TPO: variants seen among roughly 807,000 people sequenced by gnomAD.
TPO encodes the protein thyroid peroxidase.
TPO carries 78 observed loss-of-function variants against 96.9 expected under a neutral mutation model. The ratio of observed to expected loss-of-function variants is 0.81; its 90% CI spans 0.67 to 0.97. The LOEUF (loss-of-function observed/expected upper bound fraction) is 0.97. Among genes scored for constraint, TPO ranks in the 50% least tolerant of loss-of-function variants. The pLI, the probability that TPO is intolerant of heterozygous loss-of-function variation, is 0.00. For missense variants in TPO, 1,252 were observed against 1,274.8 expected (o/e 0.98, Z 0.27); for synonymous variants, 547 against 538.0 (o/e 1.02, Z -0.23).
Position 1,540,606 on chromosome 2 carries a change from C to T in TPO, c.2631C>T (p.Gly877=). ...STVICRWTRT[G]TKSTLPISET... ...GTGTCTCCCACAGGACACGCACTGGCACTAAATCCACACTGCCCATCTCGG... is the reference window on the plus strand; with the variant it reads ...GTGTCTCCCACAGGACACGCACTGGTACTAAATCCACACTGCCCATCTCGG... Residue 877 remains glycine, a synonymous_variant, in exon 16 of 17, where the codon GGC becomes GGT. Transcript: ENST00000329066. The T allele has an allele frequency of 6.2e-7, 1 of 1,613,556 alleles. No individual in the cohort carries two copies. The highest frequency in any genetic ancestry group is 8.5e-7 in the Non-Finnish European group (1 of 1,180,032).
intron 11 of TPO, among the ~76,000 whole-genome samples, chr2:1,495,620 C>A (rs1313014178): frequency 2.0e-5 from 3 of 152,228 alleles, no homozygotes; most frequent in African/African-American, 7.2e-5. Flanking sequence ...GCTCTGAGCC[C>A]CTCTTCTGAG....
At chr2:1,521,422 G>A (rs1675246967) in intron 15 of TPO, among the ~76,000 whole-genome samples, 1 of 152,120 alleles carries the variant, frequency 6.6e-6, no homozygotes, top group Non-Finnish European at 1.5e-5. Context: ...ATGGGGCAGT[G>A]GGCCACGGGA....
chr2:1,444,753 T>A (rs75013273), intron 5 of TPO, among the ~76,000 whole-genome samples: 1 of 9,800 alleles, frequency 1.0e-4, no homozygotes, highest in Admixed American at 1.5e-3. Context: ...CAGGAGGCAC[T>A]GTGTTGGAAG....
intron 15 of TPO, among the ~76,000 whole-genome samples, chr2:1,532,033 C>A (rs1678384545): frequency 1.2e-5 from 1 of 83,634 alleles, no homozygotes. Flanking sequence ...CAAATCCCCT[C>A]ACTGTGTGCA....
At chr2:1,481,624 G>A (rs917762203) in intron 8 of TPO, among the ~76,000 whole-genome samples, 6 of 152,172 alleles carry the variant, frequency 3.9e-5, no homozygotes, top group Non-Finnish European at 5.9e-5. Context: ...TGGGCCACTC[G>A]GCTGCTGACC....
chr2:1,469,443 C>T (rs918085679), intron 7 of TPO, among the ~76,000 whole-genome samples: 2 of 152,172 alleles, frequency 1.3e-5, no homozygotes, highest in Non-Finnish European at 2.9e-5. Flanking sequence ...AGGGATGTGG[C>T]TTCCTGAGAG....
intron 1 of TPO, among the ~76,000 whole-genome samples, chr2:1,399,379 C>T (rs970075792): frequency 6.6e-6 from 1 of 152,216 alleles, no homozygotes; most frequent in African/African-American, 2.4e-5. Flanking sequence ...TCCAAGACCC[C>T]AGTGGACACC....
At position 1,435,329 on chromosome 2, in the gene TPO, G is replaced by A. The variant is rs539742851; in HGVS notation, c.350-923G>A. Among the ~76,000 whole-genome samples the A allele has an allele frequency of 3.0e-4, 45 of 152,324 alleles. 1 individual carries two copies. Among genetic ancestry groups the A allele is most frequent in the Middle Eastern group, 6.8e-3 (2 of 294 alleles). The stretch of plus-strand genomic sequence containing the variant: ...ATCTGTGCTCAGCTTTTTGAAGAAT[G>A]CGTAATCCTCCACTAACTGAATGCA... On this transcript the variant is annotated intron_variant, in intron 4 of 16. Coordinates refer to ENST00000329066, the MANE Select transcript of TPO (RefSeq NM_001206744.2).
chr2:1,390,122 A>G (rs1316012973), intron 1 of TPO, among the ~76,000 whole-genome samples: 3 of 151,302 alleles, frequency 2.0e-5, no homozygotes, highest in African/African-American at 7.3e-5. Flanking sequence ...CACACCTATC[A>G]ACTCGTTATT....
chr2:1,516,995 C>G lies in TPO; in HGVS notation c.2618+13C>G. 1 of 1,613,086 alleles carries G rather than the reference C, an allele frequency of 6.2e-7. No individual in the cohort carries two copies. The highest frequency in any genetic ancestry group is 8.5e-7 in the Non-Finnish European group (1 of 1,179,554). On this transcript the variant is annotated intron_variant, in intron 15 of 16. Coordinates refer to ENST00000329066, the MANE Select transcript of TPO (RefSeq NM_001206744.2). ...TGATTTGCAGGTGGTAAGTCCTTCA[C>G]TTTTTGACTGTTACTTAGACACAAA...
intron 3 of TPO, among the ~76,000 whole-genome samples, chr2:1,425,685 T>C (rs528884113): frequency 4.3e-4 from 65 of 149,632 alleles, no homozygotes; most frequent in Non-Finnish European, 7.0e-4. Context: ...TTCTAGATGC[T>C]GGGATACAGA....
At chr2:1,489,940 ACGACAGAGCAG>A (rs1671574266) in intron 10 of TPO, among the ~76,000 whole-genome samples, 2 of 115,748 alleles carry the variant, frequency 1.7e-5, no homozygotes, top group African/African-American at 3.4e-5. Flanking sequence ...AGGAGGAGTC[ACGACAGAGCAG>A]TGTAAGAGCC....
chr2:1,523,132 C>T (rs1216219414), intron 15 of TPO, among the ~76,000 whole-genome samples: 8 of 149,624 alleles, frequency 5.3e-5, no homozygotes, highest in African/African-American at 2.0e-4. Context: ...CCAAATCCGC[C>T]CCACCCTGTG....
rs199839838 is a variant in TPO, at chr2:1,433,489, C to G, written c.231C>G (p.Ser77=). The change falls in exon 4 of 17, where the codon TCC becomes TCG. Residue 77 remains serine (S), a synonymous_variant. Coordinates refer to ENST00000329066, the MANE Select transcript of TPO (RefSeq NM_001206744.2). ...ILSPAQLLSF[S]KLPEPTSGVI... ...CTCCAGCTCAGCTTCTGTCTTTTTC[C>G]AAACTTCCTGAGCCAACAAGCGGAG... The G allele has an allele frequency of 1.2e-6, 2 of 1,614,152 alleles. No homozygotes were observed. Among genetic ancestry groups the G allele is most frequent in the East Asian group, 2.2e-5 (1 of 44,876 alleles).
intron 7 of TPO, among the ~76,000 whole-genome samples, chr2:1,476,779 A>G (rs1038766053): frequency 6.7e-6 from 1 of 150,158 alleles, no homozygotes; most frequent in Non-Finnish European, 1.5e-5. Flanking sequence ...GAGCAGGCTG[A>G]GGGGAGGTGC....
intron 5 of TPO, among the ~76,000 whole-genome samples, chr2:1,450,862 G>T (rs1397801288): frequency 6.6e-6 from 1 of 152,128 alleles, no homozygotes. Context: ...CAACCATAAC[G>T]AATCTGAACA....
At chr2:1,481,587 C>G (rs1343905050) in intron 8 of TPO, among the ~76,000 whole-genome samples, 1 of 152,178 alleles carries the variant, frequency 6.6e-6, no homozygotes, top group Non-Finnish European at 1.5e-5. Flanking sequence ...CAGGCAGATC[C>G]ATGTCTCGGG....
intron 1 of TPO, among the ~76,000 whole-genome samples, chr2:1,383,137 A>T (rs1027741539): frequency 3.3e-5 from 5 of 152,088 alleles, no homozygotes; most frequent in Non-Finnish European, 7.4e-5. Context: ...GTTGGACATT[A>T]GGGTTGGTTC....
intron 4 of TPO, among the ~76,000 whole-genome samples, chr2:1,434,270 AATTT>A (rs1354294015): frequency 6.6e-6 from 1 of 152,186 alleles, no homozygotes; most frequent in East Asian, 1.9e-4. Flanking sequence ...CTTTTTAATT[AATTT>A]ATCAAGAATT....
Sources: allele counts gnomAD v4.1 joint callset (sites outside exome capture counted in the v4.1 genomes callset), GRCh38; gene constraint gnomAD v4.1.1; transcripts MANE v1.5; gene names NCBI Gene and HGNC (gene_info 2026-07-23, HGNC 2026-07-21).